Variants in COL4A4 observed in about 807,000 individuals in gnomAD.
COL4A4 encodes the protein collagen type IV alpha 4 chain, also known as collagen alpha-4(IV) chain.
In COL4A4, 105 loss-of-function variants were observed where a neutral mutation model predicts 192.9. The ratio of observed to expected loss-of-function variants is 0.54; its 90% CI spans 0.46 to 0.64. COL4A4 has a LOEUF of 0.64. Among genes scored for constraint, COL4A4 ranks in the 30% least tolerant of loss-of-function variants. The pLI, the probability that COL4A4 is intolerant of heterozygous loss-of-function variation, is 0.00. For synonymous variants in COL4A4, 762 were observed against 769.9 expected (o/e 0.99, Z 0.17); for missense variants, 1,967 against 2,169.3 (o/e 0.91, Z 1.85).
intron 37 of COL4A4, among the ~76,000 whole-genome samples, chr2:227,041,861 AGAAAGAAAG>A (rs1971390451): frequency 1.9e-5 from 2 of 105,724 alleles, no homozygotes; most frequent in African/African-American, 8.6e-5. Context: ...AAAGAAAGAA[AGAAAGAAAG>A]AAAGAAAGAA....
At chr2:227,074,002 T>C (rs2150425172) in intron 25 of COL4A4, among the ~76,000 whole-genome samples, 1 of 152,056 alleles carries the variant, frequency 6.6e-6, no homozygotes, top group African/African-American at 2.4e-5. Context: ...AAAGAATTCA[T>C]GAATAAGACC....
intron 23 of COL4A4, among the ~76,000 whole-genome samples, 169 bp downstream of exon 23, chr2:227,081,946 G>A (rs1275228869): frequency 1.3e-5 from 2 of 152,156 alleles, no homozygotes; most frequent in Non-Finnish European, 2.9e-5. Flanking sequence ...AGGGGATTTG[G>A]CTCAACATTC....
chr2:227,098,492 A>C (rs755414958), intron 19 of COL4A4, among the ~76,000 whole-genome samples: 2 of 152,228 alleles, frequency 1.3e-5, no homozygotes, highest in African/African-American at 4.8e-5. Flanking sequence ...TTACAGACAC[A>C]GGAGCGCTTC....
At chr2:227,040,375 T>C (rs1169186051) in intron 37 of COL4A4, among the ~76,000 whole-genome samples, 2 of 152,132 alleles carry the variant, frequency 1.3e-5, no homozygotes, top group Non-Finnish European at 2.9e-5. Context: ...ATATTCATTC[T>C]CCTATTTGTC....
chr2:227,141,677 G>A (rs1291319196), intron 3 of COL4A4, among the ~76,000 whole-genome samples: 3 of 152,154 alleles, frequency 2.0e-5, no homozygotes, highest in African/African-American at 4.8e-5. Context: ...TTTGAAGCTT[G>A]ACGAGAGTCA....
In COL4A4 at chr2:227,121,090, G is replaced by A; in HGVS notation, c.251C>T (p.Pro84Leu). The A allele has an allele frequency of 6.2e-7, 1 of 1,614,116 alleles. No homozygotes were observed. The highest frequency in any genetic ancestry group is 8.5e-7 in the Non-Finnish European group (1 of 1,179,976). The change falls in exon 5 of 48, where the codon CCC becomes CTC. Residue 84 changes from proline (P) to leucine (L), a missense_variant. Pro to Leu is a moderately conservative substitution (Grantham distance 98, BLOSUM62 -3). Transcript: ENST00000396625. ...TCCTTTCTCTCCTGAAAGCCCAATGGGTCCTGGGGCTCCCAGGGGTCCAAT... is the reference window on the plus strand; with the variant it reads ...TCCTTTCTCTCCTGAAAGCCCAATGAGTCCTGGGGCTCCCAGGGGTCCAAT... ...GPIGPLGAPG[P>L]IGLSGEKGMR...
chr2:226,977,645 G>A, the COL4A4 span, among the ~76,000 whole-genome samples: 9 of 152,296 alleles, frequency 5.9e-5, no homozygotes, highest in African/African-American at 1.4e-4. Flanking sequence ...GTTGTCATCC[G>A]AGGTAAATAA....
intron 12 of COL4A4, among the ~76,000 whole-genome samples, chr2:227,105,073 T>C (rs2060760366): frequency 6.6e-6 from 1 of 151,782 alleles, no homozygotes; most frequent in Admixed American, 6.6e-5. Context: ...AATAAATATA[T>C]AAACATGATT....
In COL4A4 at chr2:227,144,017, T is replaced by C. The variant is rs539568238; in HGVS notation, c.114+499A>G. On this transcript the variant is annotated intron_variant, in intron 3 of 47. Transcript: ENST00000396625. ...AGAGTATGAACAGATAGGGTTATGT[T>C]CACTAGAGTGATTTAAACCAAGTCA... 1.1e-4 allele frequency among the ~76,000 whole-genome samples: 17 copies of C among 152,350 alleles called. No individual in the cohort carries two copies. In the South Asian group the frequency reaches 3.5e-3, roughly 32 times the overall value.
chr2:226,976,653 C>CAGG, the COL4A4 span, among the ~76,000 whole-genome samples: 1 of 152,238 alleles, frequency 6.6e-6, no homozygotes, highest in African/African-American at 2.4e-5. Context: ...CTTCACACAT[C>CAGG]AGGCTATTGT....
intron 12 of COL4A4, among the ~76,000 whole-genome samples, chr2:227,107,958 A>G (rs1334175000): frequency 2.0e-5 from 3 of 151,670 alleles, no homozygotes; most frequent in Non-Finnish European, 4.4e-5. Context: ...GGGTTTCACC[A>G]TGTTGGCCAG....
intron 19 of COL4A4, 96 bp from the exon 20 acceptor site, chr2:227,094,385 G>T: frequency 7.6e-7 from 1 of 1,312,050 alleles, no homozygotes; most frequent in Non-Finnish European, 1.1e-6. Context: ...TTAGGTTATC[G>T]AATTTTTTAA....
chr2:227,086,008 T>G (rs2059584214), intron 22 of COL4A4, among the ~76,000 whole-genome samples: 1 of 152,212 alleles, frequency 6.6e-6, no homozygotes, highest in Non-Finnish European at 1.5e-5. Context: ...ATATCCATTT[T>G]ATAAATGCTG....
At chr2:227,047,803 T>C (rs1973208567) in intron 34 of COL4A4, among the ~76,000 whole-genome samples, 1 of 150,304 alleles carries the variant, frequency 6.7e-6, no homozygotes, top group Non-Finnish European at 1.5e-5. Context: ...CTCCAGGTAT[T>C]GATAAGTTTG....
chr2:227,010,631 C>T (rs1963471188), intron 45 of COL4A4, 130 bp from the exon 46 acceptor site: 2 of 670,270 alleles, frequency 3.0e-6, no homozygotes, highest in Non-Finnish European at 2.5e-6. Context: ...AGCCCCTCCT[C>T]GCCTTCTGGA....
At chr2:227,101,744 A>C in intron 16 of COL4A4, 121 bp downstream of exon 16, 3 of 1,066,432 alleles carry the variant, frequency 2.8e-6, no homozygotes, top group Non-Finnish European at 4.2e-6. Context: ...GCAATCCATA[A>C]AATGAATGTG....
chr2:227,086,563 C>A (rs2059612495), intron 22 of COL4A4, among the ~76,000 whole-genome samples: 1 of 151,952 alleles, frequency 6.6e-6, no homozygotes, highest in Non-Finnish European at 1.5e-5. Flanking sequence ...GCAGAGAAGC[C>A]ATATGGACAG....
intron 45 of COL4A4, among the ~76,000 whole-genome samples, chr2:227,011,493 C>T (rs1963689354): frequency 6.6e-6 from 1 of 152,210 alleles, no homozygotes; most frequent in Admixed American, 6.5e-5. Context: ...CAGACCTCAC[C>T]CAGCCCTCCT....
At chr2:227,040,547 C>T (rs1201706340) in intron 37 of COL4A4, among the ~76,000 whole-genome samples, 1 of 150,266 alleles carries the variant, frequency 6.7e-6, no homozygotes, top group Non-Finnish European at 1.5e-5. Flanking sequence ...TTCAAAAATA[C>T]CCATAGAAAA....
Sources: gnomAD v4.1 joint callset for allele counts (sites outside exome capture counted in the v4.1 genomes callset) on GRCh38, gnomAD v4.1.1 for gene constraint, MANE v1.5 for transcripts, NCBI Gene and HGNC (gene_info 2026-07-23, HGNC 2026-07-21) for gene names.